The following PTPN23 variants were observed in gnomAD, a reference collection of about 807,000 sequenced individuals.
PTPN23 encodes the protein protein tyrosine phosphatase non-receptor type 23, also known as tyrosine-protein phosphatase non-receptor type 23.
A neutral mutation model predicts 156.3 loss-of-function variants in PTPN23; 72 were observed. That is an observed-to-expected ratio of 0.46 (90% CI 0.38 to 0.56). The LOEUF is 0.56. Among genes scored for constraint, PTPN23 ranks in the 20% least tolerant of loss-of-function variants. PTPN23 has a pLI of 0.00. For missense variants in PTPN23, 1,974 were observed against 2,171.5 expected (o/e 0.91, Z 1.81); for synonymous variants, 957 against 899.6 (o/e 1.06, Z -1.14).
chr3:47,403,481 A>G (rs887470761), intron 2 of PTPN23, among the ~76,000 whole-genome samples: 2 of 152,092 alleles, frequency 1.3e-5, no homozygotes, highest in African/African-American at 4.8e-5. Context: ...GACATAATTA[A>G]TTTAAAACAG....
chr3:47,390,609 G>A (rs1027444918), intron 1 of PTPN23, among the ~76,000 whole-genome samples: 28 of 152,126 alleles, frequency 1.8e-4, no homozygotes, highest in African/African-American at 5.6e-4. Context: ...TAGCGAAATG[G>A]GGACAAGGTC....
chr3:47,411,321 C>A lies in PTPN23; in HGVS notation c.3523C>A (p.Gln1175Lys). 1 of 1,612,738 alleles carries A rather than the reference C, an allele frequency of 6.2e-7. No individual in the cohort carries two copies. Among genetic ancestry groups the A allele is most frequent in the Middle Eastern group, 1.7e-4 (1 of 6,060 alleles). ...GCATCCTGAGAGGCTGCGGCAGTTG[C>A]AGCAGGAGCTGGAGGCCTTTCGGGG... ...YEHPERLRQLQQELEAFRGQL... is the reference protein window; with the variant it reads ...YEHPERLRQLKQELEAFRGQL... The change falls in exon 20 of 25, where the codon CAG becomes AAG. Residue 1175 changes from glutamine to lysine, a missense_variant. Around this residue, in one of 4 missense-constraint regions of PTPN23, gnomAD observed 731 missense variants for 669.1 expected, o/e 1.09. Coordinates refer to ENST00000265562, the MANE Select transcript of PTPN23 (RefSeq NM_015466.4). This position sits in a 1 kb window ranked among gnomAD's most constrained non-coding sequence, Gnocchi z 6.3.
At chr3:47,382,675 C>CT (rs1704569368) in intron 1 of PTPN23, among the ~76,000 whole-genome samples, 1 of 63,272 alleles carries the variant, frequency 1.6e-5, no homozygotes, top group Non-Finnish European at 3.4e-5. Context: ...TTTTCTTTTT[C>CT]TTTTCTTTTT....
chr3:47,406,058 C>T lies in PTPN23; in HGVS notation c.546+12C>T. On this transcript the variant is annotated intron_variant, in intron 6 of 24. Transcript: ENST00000265562. This position sits in a 1 kb window ranked among gnomAD's most constrained non-coding sequence, Gnocchi z 5.8. ...TCAACCTCATGCTGGTGAGGAGGCG[C>T]CCTGGTTGGAGTGGAGTTGAATCCA... 6.2e-7 allele frequency: 1 copy of T among 1,610,246 alleles called. No homozygotes were observed. The highest frequency in any genetic ancestry group is 8.5e-7 in the Non-Finnish European group (1 of 1,178,678).
chr3:47,411,133 G>T lies in PTPN23; in HGVS notation c.3335G>T (p.Arg1112Leu). 1 of 1,601,058 alleles carries T rather than the reference G, an allele frequency of 6.2e-7. No individual in the cohort carries two copies. The highest frequency in any genetic ancestry group is 8.5e-7 in the Non-Finnish European group (1 of 1,175,246). The change falls in exon 20 of 25, where the codon CGA (arginine) becomes CTA (leucine). Residue 1112 changes from arginine (R) to leucine (L), a missense_variant. Around this residue, in one of 4 missense-constraint regions of PTPN23, gnomAD observed 731 missense variants for 669.1 expected, o/e 1.09. Coordinates refer to ENST00000265562, the MANE Select transcript of PTPN23 (RefSeq NM_015466.4). This position sits in a 1 kb window ranked among gnomAD's most constrained non-coding sequence, Gnocchi z 6.3. The stretch of plus-strand genomic sequence containing the variant: ...GCAGAACCACCCCCTTGCCTGCGCC[G>T]AGGCGCCGCAGCTGCAGACCTGCTC... ...PAAEPPPCLR[R>L]GAAAADLLSS...
chr3:47,387,953 G>C (rs1704688954), intron 1 of PTPN23, among the ~76,000 whole-genome samples: 1 of 152,160 alleles, frequency 6.6e-6, no homozygotes, highest in African/African-American at 2.4e-5. Context: ...GTTGTTTCCA[G>C]TGATCTCACC....
chr3:47,391,439 T>C (rs1704771304), intron 1 of PTPN23, among the ~76,000 whole-genome samples: 1 of 152,130 alleles, frequency 6.6e-6, no homozygotes, highest in African/African-American at 2.4e-5. Flanking sequence ...TGTAAAGTGG[T>C]GATGATAATA....
rs1433561779 is a variant in PTPN23 at position 47,404,705 on chromosome 3, C to T, written c.213C>T (p.Tyr71=). 1 of 1,614,034 alleles carries T rather than the reference C, an allele frequency of 6.2e-7. No homozygotes were observed. Among genetic ancestry groups the T allele is most frequent in the South Asian group, 1.1e-5 (1 of 91,088 alleles). The part of the protein sequence containing the change: ...DFEGCSVLRK[Y]LGQLHYLQSR... Reference sequence around the variant, plus strand: ...AGGGCTGTAGTGTCCTCCGCAAGTACCTCGGCCAGCTTCATTACCTGCAGA... The same window carrying T: ...AGGGCTGTAGTGTCCTCCGCAAGTATCTCGGCCAGCTTCATTACCTGCAGA... The change falls in exon 3 of 25, where the codon TAC becomes TAT. Residue 71 remains tyrosine, a synonymous_variant. Transcript: ENST00000265562.
Position 47,409,945 on chromosome 3 carries a change from C to T in PTPN23, c.2147C>T (p.Pro716Leu), listed in dbSNP as rs756785594. 35 of 1,566,766 alleles carry T rather than the reference C, an allele frequency of 2.2e-5. No homozygotes were observed. Among genetic ancestry groups the T allele is most frequent in the Middle Eastern group, 1.7e-4 (1 of 5,786 alleles). ...TCGCACAGGGAGCTGAAGAAGAAGC[C>T]GCCGCCACGGCCCACAGCCCCAAAG... ...QLLDRELKKKPPPRPTAPKPL... is the reference protein window; with the variant it reads ...QLLDRELKKKLPPRPTAPKPL... Residue 716 changes from proline to leucine, a missense_variant, in exon 20 of 25, where the codon CCG (proline) becomes CTG (leucine). Transcript: ENST00000265562.
In PTPN23 at chr3:47,410,811, G is replaced by A. The variant is rs2107723746; in HGVS notation, c.3013G>A (p.Gly1005Arg). 6 of 1,573,478 alleles carry A rather than the reference G, an allele frequency of 3.8e-6. No homozygotes were observed. The highest frequency in any genetic ancestry group is 1.1e-5 in the South Asian group (1 of 89,786). Residue 1005 changes from glycine to arginine, a missense_variant, in exon 20 of 25, where the codon GGG (glycine) becomes AGG (arginine). Physicochemically the swap from Gly to Arg is moderately radical, Grantham distance 125. Around this residue, in one of 4 missense-constraint regions of PTPN23, gnomAD observed 731 missense variants for 669.1 expected, o/e 1.09. Coordinates refer to ENST00000265562, the MANE Select transcript of PTPN23 (RefSeq NM_015466.4). ...CCCCTACCCCTATGCCCCTCAGCCT[G>A]GGGTCCTGGGGCAGCCGCCACCCCC... ...QSPYPYAPQPGVLGQPPPPLH... is the reference protein window; with the variant it reads ...QSPYPYAPQPRVLGQPPPPLH...
chr3:47,394,629 T>C (rs1449398552), intron 1 of PTPN23, among the ~76,000 whole-genome samples: 1 of 152,168 alleles, frequency 6.6e-6, no homozygotes, highest in African/African-American at 2.4e-5. Context: ...TTGAGCCACC[T>C]CACCCGGCCA....
In PTPN23 at chr3:47,412,692, C is replaced by CTCTG. The variant is rs1559531155; in HGVS notation, c.4432-10_4432-7dup. 5 of 1,597,506 alleles carry CTCTG rather than the reference C, an allele frequency of 3.1e-6. No individual in the cohort carries two copies. The South Asian group carries it at 4.5e-5, about 14-fold the overall frequency. The stretch of plus-strand genomic sequence containing the variant: ...CCTTGGGACTCCCTCTCCTCACTCA[C>CTCTG]TCTGTCTTCTCAGAACCACCTTCCT... On this transcript the variant is annotated splice_polypyrimidine_tract_variant and intron_variant, in intron 24 of 24. Transcript: ENST00000265562.
chr3:47,406,572 T>C lies in PTPN23; in HGVS notation c.719T>C (p.Leu240Pro), dbSNP rs1050937030. The change falls in exon 8 of 25, where the codon CTT becomes CCT. Residue 240 changes from leucine (L) to proline (P), a missense_variant. Coordinates refer to ENST00000265562, the MANE Select transcript of PTPN23 (RefSeq NM_015466.4). This position sits in a 1 kb window ranked among gnomAD's most constrained non-coding sequence, Gnocchi z 5.8. ...CGGATCCAGAAGGACTGGAAGAAAC[T>C]TGTGCAGATGAAGATCTACTACTTC... ...LGRIQKDWKK[L>P]VQMKIYYFAA... 1 of 1,613,922 alleles carries C rather than the reference T, an allele frequency of 6.2e-7. No individual in the cohort carries two copies. The highest frequency in any genetic ancestry group is 8.5e-7 in the Non-Finnish European group (1 of 1,180,000).
rs752343236 is a variant in PTPN23 at position 47,406,636 on chromosome 3, G to A, written c.759+24G>A. Reference sequence around the variant, plus strand: ...ATGTGAGGGCCTGGGGCCCCAGGGCGGGGCAGGGCGGGGCTGAGTGGCCAC... The same window carrying A: ...ATGTGAGGGCCTGGGGCCCCAGGGCAGGGCAGGGCGGGGCTGAGTGGCCAC... On this transcript the variant is annotated intron_variant, in intron 8 of 24. Transcript: ENST00000265562. The surrounding 1 kb of genome is among the most constrained non-coding windows in gnomAD (Gnocchi z 5.8). 1.5e-5 allele frequency: 25 copies of A among 1,613,814 alleles called. No homozygotes were observed. Among genetic ancestry groups the A allele is most frequent in the Non-Finnish European group, 1.9e-5 (23 of 1,179,942 alleles).
At position 47,406,306 on chromosome 3, in the gene PTPN23, A is replaced by G. The variant is rs376016295; in HGVS notation, c.547-19A>G. The G allele has an allele frequency of 7.0e-5, 113 of 1,612,860 alleles. No homozygotes were observed. In the African/African-American group the frequency reaches 1.4e-3, roughly 20 times the overall value. ...AGGCCTTGGGTGAGCGAGGGAGTGC[A>G]CCTCACGTGTCGCCCCAGGGCCAGG... On this transcript the variant is annotated intron_variant, in intron 6 of 24. Coordinates refer to ENST00000265562, the MANE Select transcript of PTPN23 (RefSeq NM_015466.4). The surrounding 1 kb of genome is among the most constrained non-coding windows in gnomAD (Gnocchi z 5.8).
rs754811875 is a variant in PTPN23 at position 47,409,135 on chromosome 3, T to C, written c.1643-28T>C. The C allele has an allele frequency of 2.5e-6, 4 of 1,608,418 alleles. No individual in the cohort carries two copies. In the African/African-American group the frequency reaches 4.0e-5, roughly 16 times the overall value. On this transcript the variant is annotated intron_variant, in intron 16 of 24. Coordinates refer to ENST00000265562, the MANE Select transcript of PTPN23 (RefSeq NM_015466.4). ...GGGAGACTCGAGCTGGGGGTTTCTC[T>C]GGCCTCACTGACCACTGCTGCCCAC... is the stretch of plus-strand genomic sequence containing the variant.
At chr3:47,402,222 C>G (rs972258270) in intron 2 of PTPN23, among the ~76,000 whole-genome samples, 1 of 152,092 alleles carries the variant, frequency 6.6e-6, no homozygotes, top group African/African-American at 2.4e-5. Context: ...AATACATAAA[C>G]AATATGAAGA....
In PTPN23 at chr3:47,410,890, CAG is replaced by C. The variant is rs773893131; in HGVS notation, c.3093_3094del (p.Ala1033SerfsTer48). On this transcript the variant is annotated frameshift_variant, in exon 20 of 25. Coordinates refer to ENST00000265562, the MANE Select transcript of PTPN23 (RefSeq NM_015466.4). LOFTEE classifies it high-confidence loss of function. ...GCTCAAGACCCTCTGCCAGCCCACTCAGGGGCTCTGCCTTTCCCCAGCCCTGG... is the reference window on the plus strand; with the variant it reads ...GCTCAAGACCCTCTGCCAGCCCACTCGGGCTCTGCCTTTCCCCAGCCCTGG... 1 of 1,611,324 alleles carries C rather than the reference CAG, an allele frequency of 6.2e-7. No individual in the cohort carries two copies. Among genetic ancestry groups the C allele is most frequent in the Non-Finnish European group, 8.5e-7 (1 of 1,178,672 alleles).
In PTPN23 at chr3:47,411,820, A is replaced by G. The variant is rs573826979; in HGVS notation, c.3926A>G (p.Gln1309Arg). The change falls in exon 21 of 25, where the codon CAG becomes CGG. Residue 1309 changes from glutamine to arginine, a missense_variant. Gln to Arg is a conservative substitution (Grantham distance 43). Coordinates refer to ENST00000265562, the MANE Select transcript of PTPN23 (RefSeq NM_015466.4). This position sits in a 1 kb window ranked among gnomAD's most constrained non-coding sequence, Gnocchi z 6.3. ...VARYFPTERG[Q>R]PMVHGALSLA... ...CGCTACTTCCCCACCGAGAGGGGCC[A>G]GCCCATGGTGCACGGTGCCCTGAGC... 8 of 1,611,168 alleles carry G rather than the reference A, an allele frequency of 5.0e-6. No homozygotes were observed. The highest frequency in any genetic ancestry group is 4.0e-5 in the African/African-American group (3 of 74,758).
Sources: allele counts gnomAD v4.1 joint callset (sites outside exome capture counted in the v4.1 genomes callset), GRCh38; gene constraint gnomAD v4.1.1; regional missense constraint gnomAD v4.1.1; non-coding constraint Gnocchi (gnomAD v3.1); transcripts MANE v1.5; gene names NCBI Gene and HGNC (gene_info 2026-07-23, HGNC 2026-07-21).